The following ASAP2 variants were observed in gnomAD, a reference collection of about 807,000 sequenced individuals.
ASAP2 encodes arf-GAP with SH3 domain, ANK repeat and PH domain-containing protein 2.
Under a neutral mutation model 131.4 loss-of-function variants are expected in ASAP2, and 45 were observed. The observed-to-expected ratio is 0.34, with a 90% CI of 0.27 to 0.44. The LOEUF (loss-of-function observed/expected upper bound fraction) is 0.44. Ranked by LOEUF, ASAP2 falls within the 20% of genes least tolerant of loss-of-function variation. The probability of loss-of-function intolerance (pLI) is 1.00; values close to 1 mark genes in which losing one functional copy is unlikely to be tolerated. For missense variants in ASAP2, 1,011 were observed against 1,297.0 expected, an observed-to-expected ratio of 0.78 and a Z score of 3.39; for synonymous variants, 510 against 503.0, an observed-to-expected ratio of 1.01 and a Z score of -0.19.
chr2:9,380,836 G>A (rs1390722684), intron 20 of ASAP2, 28 bp downstream of exon 20: 2 of 1,610,222 alleles, frequency 1.2e-6, no homozygotes, highest in African/African-American at 2.7e-5. Flanking sequence ...AGGACGGGGT[G>A]GGGCACCTGT....
intron 3 of ASAP2, among the ~76,000 whole-genome samples, chr2:9,318,137 A>T (rs1444369935): frequency 6.6e-6 from 1 of 152,218 alleles, no homozygotes; most frequent in Non-Finnish European, 1.5e-5. Context: ...ACCCCAGTAC[A>T]GTCCAGCTTA....
intron 3 of ASAP2, among the ~76,000 whole-genome samples, chr2:9,309,837 A>C (rs1404455050): frequency 2.0e-5 from 3 of 152,192 alleles, no homozygotes; most frequent in African/African-American, 4.8e-5. Flanking sequence ...ACTTCATTTA[A>C]GTTTAATCAA....
At chr2:9,368,020 C>T (rs2715875) in intron 15 of ASAP2, among the ~76,000 whole-genome samples, 2,813 of 152,284 alleles carry the variant, frequency 0.018, 103 homozygotes, top group African/African-American at 0.064. Context: ...TTTCCTGGCT[C>T]AGTGCCGCTT....
intron 1 of ASAP2, among the ~76,000 whole-genome samples, chr2:9,275,137 G>A (rs993821837): frequency 4.7e-5 from 7 of 149,926 alleles, no homozygotes; most frequent in African/African-American, 1.7e-4. Flanking sequence ...CTATAGGGCA[G>A]TGGCGCAATC....
rs531828815 is a variant in ASAP2 at position 9,307,883 on chromosome 2, G to A, written c.345+10438G>A. 1.2e-4 allele frequency among the ~76,000 whole-genome samples: 18 copies of A among 152,292 alleles called. No individual in the cohort carries two copies. The East Asian group carries it at 3.5e-3, about 29-fold the overall frequency. ...CTGTGCTGCCAGGGACGGGCTGGGC[G>A]CATCTGTTCAGGAGGGCCCTGTGTG... is the stretch of plus-strand genomic sequence containing the variant. On this transcript the variant is annotated intron_variant, in intron 3 of 27. Coordinates refer to ENST00000281419, the MANE Select transcript of ASAP2 (RefSeq NM_003887.3).
At chr2:9,314,565 G>A (rs1158094714) in intron 3 of ASAP2, among the ~76,000 whole-genome samples, 1 of 152,138 alleles carries the variant, frequency 6.6e-6, no homozygotes, top group Non-Finnish European at 1.5e-5. Context: ...AATAAAGGTG[G>A]ATGCTACCCT....
chr2:9,313,065 TAAAA>T (rs200615640), intron 3 of ASAP2, among the ~76,000 whole-genome samples: 7 of 147,546 alleles, frequency 4.7e-5, no homozygotes, highest in South Asian at 4.3e-4. Flanking sequence ...TCTTAAAAAA[TAAAA>T]AAAAAAGCTG....
chr2:9,330,270 T>C (rs925981978), intron 7 of ASAP2, among the ~76,000 whole-genome samples: 1 of 152,110 alleles, frequency 6.6e-6, no homozygotes, highest in Non-Finnish European at 1.5e-5. Context: ...TTTGCAGCAA[T>C]AGGGATAGAA....
At chr2:9,375,449 G>A (rs1674332086) in intron 17 of ASAP2, among the ~76,000 whole-genome samples, 1 of 152,132 alleles carries the variant, frequency 6.6e-6, no homozygotes, top group Non-Finnish European at 1.5e-5. Context: ...TGTTCATGGG[G>A]TATGCTGTGA....
intron 16 of ASAP2, 72 bp downstream of exon 16, chr2:9,368,591 G>A: frequency 3.7e-6 from 5 of 1,365,944 alleles, no homozygotes; most frequent in Non-Finnish European, 5.2e-6. Flanking sequence ...GGAGGCAGGG[G>A]AATAAGAAGT....
rs750649568 is a variant in ASAP2, at chr2:9,393,501, G to A, written c.2538G>A (p.Pro846=). 9.0e-5 allele frequency: 143 copies of A among 1,591,106 alleles called. No individual in the cohort carries two copies. Among genetic ancestry groups the A allele is most frequent in the Non-Finnish European group, 1.1e-4 (134 of 1,168,326 alleles). ...CCGCAGATCCCCTGACCCCCACGCC[G>A]CCCCCACCCGTTGCCAAGACGCCCA... ...VTSTNPLTPT[P]PPPVAKTPSV... Residue 846 remains proline, a synonymous_variant, in exon 24 of 28, where the codon CCG becomes CCA. Coordinates refer to ENST00000281419, the MANE Select transcript of ASAP2 (RefSeq NM_003887.3).
At chr2:9,213,210 G>A (rs1661730346) in intron 1 of ASAP2, among the ~76,000 whole-genome samples, 1 of 152,230 alleles carries the variant, frequency 6.6e-6, no homozygotes. Flanking sequence ...AGGCTGGAAT[G>A]CAGAGAGGAA....
rs78718696 is a variant in ASAP2, at chr2:9,298,903, C to A, written c.345+1458C>A. On this transcript the variant is annotated intron_variant, in intron 3 of 27. Transcript: ENST00000281419. ...CAGAAATAGCAGAAAAATGAACGTA[C>A]GGGAAGACTGGGATGCAGCATGCTA... 2.7e-3 allele frequency among the ~76,000 whole-genome samples: 413 copies of A among 152,074 alleles called. 1 individual carries two copies. The highest frequency in any genetic ancestry group is 9.5e-3 in the African/African-American group (393 of 41,432).
rs765819952 is a variant in ASAP2 at position 9,385,287 on chromosome 2, G to A, written c.2059G>A (p.Val687Ile). The A allele has an allele frequency of 2.2e-5, 35 of 1,614,074 alleles. No individual in the cohort carries two copies. Among genetic ancestry groups the A allele is most frequent in the Admixed American group, 1.5e-4 (9 of 60,008 alleles). ...TGGAAGATTTAATTCTCACGTTCAC[G>A]TTGAATATGAATGGCGACTACTCCA... ...LSGRFNSHVH[V>I]EYEWRLLHED... Residue 687 changes from valine to isoleucine, a missense_variant, in exon 21 of 28, where the codon GTT becomes ATT. Val to Ile is a conservative substitution (Grantham distance 29). Transcript: ENST00000281419.
intron 20 of ASAP2, among the ~76,000 whole-genome samples, chr2:9,384,746 CT>C (rs1248004857): frequency 1.3e-5 from 2 of 152,230 alleles, no homozygotes; most frequent in African/African-American, 4.8e-5. Context: ...CCAGGACCCT[CT>C]GTGTGGTTTG....
At chr2:9,320,476 A>C in intron 5 of ASAP2, 139 bp downstream of exon 5, 2 of 640,512 alleles carry the variant, frequency 3.1e-6, no homozygotes, top group Admixed American at 6.2e-5. Context: ...GCTGTGGTTC[A>C]TTTTGATGAC....
At chr2:9,287,004 C>T (rs1667510895) in intron 2 of ASAP2, among the ~76,000 whole-genome samples, 1 of 152,194 alleles carries the variant, frequency 6.6e-6, no homozygotes, top group Non-Finnish European at 1.5e-5. Context: ...ATCCTTACAG[C>T]CTTGTGAGTT....
At chr2:9,344,186 C>A (rs2148603202) in intron 9 of ASAP2, among the ~76,000 whole-genome samples, 1 of 152,296 alleles carries the variant, frequency 6.6e-6, no homozygotes, top group East Asian at 1.9e-4. Context: ...ACTGCATCAC[C>A]TCCCTCCTCG....
intron 1 of ASAP2, among the ~76,000 whole-genome samples, chr2:9,228,374 G>A (rs996303399): frequency 1.3e-5 from 2 of 152,150 alleles, no homozygotes; most frequent in African/African-American, 4.8e-5. Context: ...CTTGAGAAGA[G>A]AAAGATTTGA....
Sources: allele counts gnomAD v4.1 joint callset (sites outside exome capture counted in the v4.1 genomes callset), GRCh38; gene constraint gnomAD v4.1.1; transcripts MANE v1.5; gene names NCBI Gene and HGNC (gene_info 2026-07-23, HGNC 2026-07-21).